The following LINGO1 variants were observed in gnomAD, a reference collection of about 807,000 sequenced individuals.
The protein encoded by LINGO1 is leucine-rich repeat and immunoglobulin-like domain-containing nogo receptor-interacting protein 1.
A neutral mutation model predicts 37.3 loss-of-function variants in LINGO1; 11 were observed. That is an observed-to-expected ratio of 0.29 (90% CI 0.19 to 0.49). LINGO1 has a LOEUF of 0.49. LINGO1 is among the 20% of genes least tolerant of loss of function. The pLI, the probability that LINGO1 is intolerant of heterozygous loss-of-function variation, is 0.99. For synonymous variants in LINGO1, 387 were observed against 403.0 expected (o/e 0.96, Z 0.48); for missense variants, 585 against 878.2 (o/e 0.67, Z 4.22).
chr15:77,707,729 A>G (rs1320109773), intron 2 of LINGO1, among the ~76,000 whole-genome samples: 1 of 152,212 alleles, frequency 6.6e-6, no homozygotes, highest in African/African-American at 2.4e-5. Flanking sequence ...AGCAGCCTCC[A>G]GGAGGGCAGA....
At position 77,718,504 on chromosome 15, in the gene LINGO1, C is replaced by T. The variant is rs1480534776; in HGVS notation, c.-195+16488G>A. Among the ~76,000 whole-genome samples the T allele has an allele frequency of 1.3e-5, 2 of 150,948 alleles. 1 individual carries two copies. Among genetic ancestry groups the T allele is most frequent in the East Asian group, 4.2e-4 (2 of 4,792 alleles). ...CACACATGTATGTATTGCGTGCCTA[C>T]ACATGTACAGACTCACACATCCACG... On this transcript the variant is annotated intron_variant, in intron 2 of 3. Coordinates refer to the LINGO1 transcript ENST00000561686.
chr15:77,776,715 G>A (rs1268248323), intron 1 of LINGO1, among the ~76,000 whole-genome samples: 1 of 152,192 alleles, frequency 6.6e-6, no homozygotes, highest in Admixed American at 6.5e-5. Flanking sequence ...GAGGCAATCT[G>A]GGATTTGAAA....
intron 2 of LINGO1, among the ~76,000 whole-genome samples, chr15:77,687,259 T>G (rs2075527347): frequency 6.6e-6 from 1 of 152,138 alleles, no homozygotes; most frequent in African/African-American, 2.4e-5. Context: ...CAACGCTCAG[T>G]GCGCAACTGA....
chr15:77,664,170 T>TGTGTGTGTGCGC, intron 3 of LINGO1, among the ~76,000 whole-genome samples: 32 of 131,006 alleles, frequency 2.4e-4, no homozygotes, highest in East Asian at 6.1e-4. Context: ...TGTGTGTGTG[T>TGTGTGTGTGCGC]GCGCGCGCGC....
At chr15:77,804,479 G>A (rs988317937) in intron 1 of LINGO1, among the ~76,000 whole-genome samples, 38 of 152,314 alleles carry the variant, frequency 2.5e-4, no homozygotes, top group South Asian at 2.1e-4. Context: ...GCTCCCCATC[G>A]GGGAGGGCGA....
chr15:77,676,177 T>G (rs1025441495), intron 3 of LINGO1, among the ~76,000 whole-genome samples: 1 of 152,184 alleles, frequency 6.6e-6, no homozygotes, highest in African/African-American at 2.4e-5. Flanking sequence ...TGCCCTTGAT[T>G]GTGGCCTGGG....
At chr15:77,667,673 C>T (rs977366628) in intron 3 of LINGO1, 1 of 152,300 alleles carries the variant, frequency 6.6e-6, no homozygotes, top group South Asian at 2.1e-4. Flanking sequence ...TCTGCCAGGT[C>T]GAGCCTCAGC....
chr15:77,727,936 T>C (rs1344461989), intron 2 of LINGO1, among the ~76,000 whole-genome samples: 1 of 152,156 alleles, frequency 6.6e-6, no homozygotes, highest in African/African-American at 2.4e-5. Context: ...GGCTGTCACA[T>C]GGGCACTCTA....
At chr15:77,814,869 GTGACCC>G (rs1464924438) in intron 1 of LINGO1, among the ~76,000 whole-genome samples, 1 of 152,252 alleles carries the variant, frequency 6.6e-6, no homozygotes, top group Non-Finnish European at 1.5e-5. Context: ...ACTGAGGCCA[GTGACCC>G]TGACATCAGA....
At chr15:77,781,982 C>T (rs1456843116) in intron 1 of LINGO1, among the ~76,000 whole-genome samples, 1 of 152,154 alleles carries the variant, frequency 6.6e-6, no homozygotes, top group Non-Finnish European at 1.5e-5. Flanking sequence ...GGGTTGGGGA[C>T]AGGAGCCAGA....
Position 77,724,374 on chromosome 15 carries a change from T to C in LINGO1, c.-195+10618A>G, listed in dbSNP as rs116218231. On this transcript the variant is annotated intron_variant, in intron 2 of 3. Transcript: ENST00000561686. ...CAGGAGATGATTTTGGCTATGACTC[T>C]CTCAGCCTCGGTTTGCTGATCTGCA... is the stretch of plus-strand genomic sequence containing the variant. Among the ~76,000 whole-genome samples the C allele has an allele frequency of 7.5e-3, 1,145 of 152,318 alleles. 17 individuals carry two copies. Among genetic ancestry groups the C allele is most frequent in the African/African-American group, 0.026 (1,097 of 41,562 alleles).
At chr15:77,819,155 C>G (rs1249095349) in intron 1 of LINGO1, 1 of 149,722 alleles carries the variant, frequency 6.7e-6, no homozygotes, top group Non-Finnish European at 1.5e-5. Flanking sequence ...CCCCGAGGCT[C>G]CCGCCCAATC....
At position 77,717,824 on chromosome 15, in the gene LINGO1, A is replaced by G. The variant is rs1257475501; in HGVS notation, c.-195+17168T>C. On this transcript the variant is annotated intron_variant, in intron 2 of 3. Coordinates refer to the LINGO1 transcript ENST00000561686. The stretch of plus-strand genomic sequence containing the variant: ...TGGATACCTACAGTCTGGCTCCACT[A>G]TGGTGGGGAAAGGCCCAGCCCAGCC... Among the ~76,000 whole-genome samples, 7 of 150,626 alleles carry G rather than the reference A, an allele frequency of 4.6e-5. 1 individual carries two copies. Among genetic ancestry groups the G allele is most frequent in the Non-Finnish European group, 8.9e-5 (6 of 67,448 alleles).
chr15:77,796,839 G>C (rs1009016697), intron 1 of LINGO1, among the ~76,000 whole-genome samples: 3 of 152,006 alleles, frequency 2.0e-5, no homozygotes, highest in Admixed American at 6.5e-5. Context: ...GCCTCCCAAG[G>C]AGCTGGGACT....
rs575709482 is a variant in LINGO1, at chr15:77,768,368, T to C, written c.-257+18501A>G. On this transcript the variant is annotated intron_variant, in intron 1 of 3. Transcript: ENST00000561686. ...CCGCCAGAGGCCTCCTGAACTTTTC[T>C]TTCTATTTTTCATGTAACAAATATT... Among the ~76,000 whole-genome samples, 5 of 151,102 alleles carry C rather than the reference T, an allele frequency of 3.3e-5. No homozygotes were observed. The East Asian group carries it at 9.6e-4, about 29-fold the overall frequency.
intron 2 of LINGO1, among the ~76,000 whole-genome samples, chr15:77,713,529 T>G (rs573813116): frequency 2.0e-5 from 3 of 151,972 alleles, no homozygotes; most frequent in African/African-American, 7.2e-5. Flanking sequence ...GGGAGGGGTG[T>G]GCTGGCACAG....
chr15:77,651,040 T>C (rs2074748406), intron 3 of LINGO1, among the ~76,000 whole-genome samples: 1 of 151,516 alleles, frequency 6.6e-6, no homozygotes, highest in Non-Finnish European at 1.5e-5. Context: ...AAAAGGAGTG[T>C]AGAGAAGGAA....
chr15:77,784,438 G>A (rs1033850205), intron 1 of LINGO1, among the ~76,000 whole-genome samples: 52 of 152,260 alleles, frequency 3.4e-4, no homozygotes, highest in Admixed American at 3.0e-3. Context: ...ATGAGGGATC[G>A]TGCTGCAGGC....
chr15:77,696,447 G>A (rs930906934), exon 1 of LINGO1: 2 of 152,374 alleles, frequency 1.3e-5, no homozygotes, highest in Non-Finnish European at 2.9e-5. Context: ...GCAAGTCCCT[G>A]AGCCTCTTGG....
Sources: gnomAD v4.1 joint callset for allele counts (sites outside exome capture counted in the v4.1 genomes callset) on GRCh38, gnomAD v4.1.1 for gene constraint, MANE v1.5 for transcripts, NCBI Gene and HGNC (gene_info 2026-07-23, HGNC 2026-07-21) for gene names.